CCDC15: variants seen among roughly 807,000 people sequenced by gnomAD.
CCDC15 encodes the protein coiled-coil domain containing 15, also known as coiled-coil domain-containing protein 15.
CCDC15 carries 105 observed loss-of-function variants against 114.5 expected under a neutral mutation model. That is an observed-to-expected ratio of 0.92 (90% CI 0.78 to 1.08). The LOEUF (loss-of-function observed/expected upper bound fraction) is 1.08. CCDC15 is among the 50% of genes least tolerant of loss of function. The pLI is 0.00. For missense variants in CCDC15, 1,105 were observed against 1,093.6 expected (o/e 1.01, Z -0.15); for synonymous variants, 334 against 377.8 (o/e 0.88, Z 1.34).
chr11:125,035,946 AGTT>A (rs1292457245), intron 13 of CCDC15, among the ~76,000 whole-genome samples: 1 of 151,880 alleles, frequency 6.6e-6, no homozygotes, highest in Non-Finnish European at 1.5e-5. Flanking sequence ...TGTCTTGAAA[AGTT>A]GTAATTATTA....
chr11:125,037,132 G>T (rs1225840325), intron 13 of CCDC15, among the ~76,000 whole-genome samples: 1 of 152,108 alleles, frequency 6.6e-6, no homozygotes, highest in African/African-American at 2.4e-5. Flanking sequence ...TTAGTTGCTG[G>T]ATGTCTTTAC....
intron 5 of CCDC15, among the ~76,000 whole-genome samples, chr11:124,977,160 G>A (rs1027345799): frequency 1.3e-5 from 2 of 152,148 alleles, no homozygotes; most frequent in Admixed American, 6.6e-5. Flanking sequence ...GGAGATACAA[G>A]TGGAACACAT....
In CCDC15 at chr11:124,977,481, G is replaced by T; in HGVS notation, c.634G>T (p.Val212Leu). The T allele has an allele frequency of 6.3e-7, 1 of 1,584,242 alleles. No homozygotes were observed. The highest frequency in any genetic ancestry group is 8.6e-7 in the Non-Finnish European group (1 of 1,166,404). The change falls in exon 6 of 16, where the codon GTG becomes TTG. Residue 212 changes from valine to leucine, a missense_variant. Physicochemically the swap from Val to Leu is conservative, Grantham distance 32. Transcript: ENST00000344762. ...GRKSFLTREEVLSRKPASTGI... is the reference protein window; with the variant it reads ...GRKSFLTREELLSRKPASTGI... The stretch of plus-strand genomic sequence containing the variant: ...TTTGTAGTAATTTTTTTTCCAGGAA[G>T]TGCTTTCCAGGAAACCAGCATCCAC...
intron 4 of CCDC15, among the ~76,000 whole-genome samples, chr11:124,974,307 A>G (rs1433138954): frequency 1.3e-5 from 2 of 152,132 alleles, no homozygotes; most frequent in Admixed American, 6.5e-5. Context: ...AAAATGATAT[A>G]TGTTTTATTT....
At chr11:124,958,891 G>A (rs1229011262) in intron 2 of CCDC15, among the ~76,000 whole-genome samples, 2 of 152,120 alleles carry the variant, frequency 1.3e-5, no homozygotes, top group Admixed American at 1.3e-4. Context: ...AATGTGTAAC[G>A]TGTTAGGTTT....
At chr11:125,004,600 A>C (rs1948529883) in intron 12 of CCDC15, among the ~76,000 whole-genome samples, 1 of 152,036 alleles carries the variant, frequency 6.6e-6, no homozygotes, top group Admixed American at 6.6e-5. Flanking sequence ...GAATGAACAG[A>C]TCACACACAG....
intron 2 of CCDC15, among the ~76,000 whole-genome samples, chr11:124,955,187 T>C (rs1947527928): frequency 6.6e-6 from 1 of 152,362 alleles, no homozygotes; most frequent in East Asian, 1.9e-4. Context: ...TGTATATCAG[T>C]TTACTTCAGA....
chr11:124,994,260 C>T (rs1235774814), intron 11 of CCDC15, among the ~76,000 whole-genome samples: 1 of 152,150 alleles, frequency 6.6e-6, no homozygotes, highest in African/African-American at 2.4e-5. Context: ...AGAGATACTT[C>T]CAGCAGACGA....
At chr11:125,010,563 G>T (rs1363950296) in intron 13 of CCDC15, among the ~76,000 whole-genome samples, 3 of 152,040 alleles carry the variant, frequency 2.0e-5, no homozygotes, top group African/African-American at 7.2e-5. Context: ...GTTTCACCAT[G>T]TGGGCCAGGC....
intron 11 of CCDC15, among the ~76,000 whole-genome samples, chr11:124,993,452 C>T (rs913435221): frequency 1.3e-5 from 2 of 152,132 alleles, no homozygotes; most frequent in Non-Finnish European, 2.9e-5. Flanking sequence ...CCATTCTGAC[C>T]TATTGAAACT....
intron 6 of CCDC15, among the ~76,000 whole-genome samples, chr11:124,985,219 G>C (rs905710414): frequency 7.5e-6 from 1 of 133,544 alleles, no homozygotes; most frequent in African/African-American, 3.0e-5. Context: ...TTATTGTATA[G>C]ATGTACCACA....
intron 12 of CCDC15, 77 bp from the exon 13 acceptor site, chr11:125,005,032 A>G (rs1457978635): frequency 3.3e-6 from 2 of 609,082 alleles, no homozygotes; most frequent in Non-Finnish European, 5.7e-6. Context: ...GTTTTTGTCT[A>G]TGGTATAAGA....
intron 13 of CCDC15, among the ~76,000 whole-genome samples, chr11:125,011,301 G>A (rs1025617312): frequency 6.7e-6 from 1 of 149,994 alleles, no homozygotes; most frequent in Non-Finnish European, 1.5e-5. Flanking sequence ...GCAATGGCAC[G>A]ATCTCGACTC....
In CCDC15 at chr11:124,994,500, G is replaced by A. The variant is rs372977598; in HGVS notation, c.2214+1257G>A. On this transcript the variant is annotated intron_variant, in intron 11 of 15. Transcript: ENST00000344762. ...TGTCCATTTGAAAAACTATATTTTA[G>A]ATGTATTTTTATAAAAGGTATATTT... Among the ~76,000 whole-genome samples the A allele has an allele frequency of 3.9e-5, 6 of 152,186 alleles. No homozygotes were observed. In the East Asian group the frequency reaches 9.6e-4, roughly 24 times the overall value.
intron 6 of CCDC15, among the ~76,000 whole-genome samples, chr11:124,978,230 T>C (rs1203832578): frequency 6.6e-6 from 1 of 152,238 alleles, no homozygotes; most frequent in East Asian, 1.9e-4. Context: ...CCATGGTGTA[T>C]GTGTACCACA....
chr11:125,012,040 C>A (rs569168318), intron 13 of CCDC15, among the ~76,000 whole-genome samples: 1 of 152,212 alleles, frequency 6.6e-6, no homozygotes, highest in Non-Finnish European at 1.5e-5. Context: ...TAAGTGGTCA[C>A]CCCTTAATGT....
chr11:125,008,527 A>T (rs1374975044), intron 13 of CCDC15, among the ~76,000 whole-genome samples: 1 of 152,018 alleles, frequency 6.6e-6, no homozygotes, highest in Non-Finnish European at 1.5e-5. Flanking sequence ...GCCTTATTTC[A>T]TTAGCAAGGA....
intron 1 of CCDC15, 137 bp downstream of exon 1, chr11:124,954,507 A>T: frequency 2.6e-6 from 1 of 390,146 alleles, no homozygotes; most frequent in South Asian, 2.9e-5. Flanking sequence ...TTCTTCTAGA[A>T]GGCAACTTAA....
intron 13 of CCDC15, among the ~76,000 whole-genome samples, chr11:125,031,334 G>T (rs1240014234): frequency 6.6e-6 from 1 of 152,228 alleles, no homozygotes; most frequent in African/African-American, 2.4e-5. Flanking sequence ...ATTGGTGCAG[G>T]CTGGGGGAGA....
Sources: allele counts gnomAD v4.1 joint callset (sites outside exome capture counted in the v4.1 genomes callset), GRCh38; gene constraint gnomAD v4.1.1; transcripts MANE v1.5; gene names NCBI Gene and HGNC (gene_info 2026-07-23, HGNC 2026-07-21).